PROCA1: variants seen among roughly 807,000 people sequenced by gnomAD.
PROCA1 encodes protein interacting with cyclin A1.
In PROCA1, 22 loss-of-function variants were observed where a neutral mutation model predicts 23.2. That is an observed-to-expected ratio of 0.95 (90% CI 0.68 to 1.35). The LOEUF (loss-of-function observed/expected upper bound fraction) is 1.35, where lower values mean the gene tolerates loss of function less well. PROCA1 is among the 40% of genes most tolerant of loss of function. The pLI is 0.00. For missense variants in PROCA1, 469 were observed against 459.8 expected, an observed-to-expected ratio of 1.02 and a Z score of -0.18; for synonymous variants, 182 against 179.2, an observed-to-expected ratio of 1.02 and a Z score of -0.12.
chr17:28,705,079 C>T, intron 2 of PROCA1: 1 of 463,066 alleles, frequency 2.2e-6, no homozygotes, highest in Non-Finnish European at 3.9e-6. Flanking sequence ...TCCTGTGATT[C>T]CCTGTTACTT....
chr17:28,711,805 G>T lies in PROCA1; in HGVS notation c.-145C>A. ...GCCCCTAACCCCGCCTCATGCTGGCGCAGCCCCCGCCGGCCTCCCCAGCCC... is the reference window on the plus strand; with the variant it reads ...GCCCCTAACCCCGCCTCATGCTGGCTCAGCCCCCGCCGGCCTCCCCAGCCC... On this transcript the variant is annotated 5_prime_UTR_variant, in exon 1 of 5. Transcript: ENST00000682792. 1 of 637,550 alleles carries T rather than the reference G, an allele frequency of 1.6e-6. No individual in the cohort carries two copies. The highest frequency in any genetic ancestry group is 2.5e-6 in the Non-Finnish European group (1 of 399,250). 39.5% of individuals were successfully genotyped at this position (637,550 alleles called of 1,614,324 possible).
intron 1 of PROCA1, among the ~76,000 whole-genome samples, chr17:28,708,935 G>A (rs9900500): frequency 0.1 from 15,469 of 152,060 alleles, 830 homozygotes; most frequent in South Asian, 0.15. Flanking sequence ...GATCGAGGCC[G>A]CAGTGAGCCG....
chr17:28,710,169 ACTC>A (rs1275784825), intron 1 of PROCA1, among the ~76,000 whole-genome samples: 2 of 150,536 alleles, frequency 1.3e-5, no homozygotes, highest in Admixed American at 6.6e-5. Context: ...AGGAACCAAA[ACTC>A]CTCTGCCTTG....
At chr17:28,708,036 G>A (rs975490783) in intron 1 of PROCA1, among the ~76,000 whole-genome samples, 1 of 152,146 alleles carries the variant, frequency 6.6e-6, no homozygotes, top group Non-Finnish European at 1.5e-5. Flanking sequence ...TTGAGATTGA[G>A]TCTCGCTCTG....
At chr17:28,705,128 T>C (rs1031965745) in intron 2 of PROCA1, 1 of 331,430 alleles carries the variant, frequency 3.0e-6, no homozygotes, top group Non-Finnish European at 5.6e-6. Context: ...CACCAGCTCC[T>C]GCCTGCCCCT....
chr17:28,711,714 T>C lies in PROCA1; in HGVS notation c.-54A>G. The C allele has an allele frequency of 6.5e-7, 1 of 1,527,540 alleles. No homozygotes were observed. Among genetic ancestry groups the C allele is most frequent in the Non-Finnish European group, 8.9e-7 (1 of 1,118,634 alleles). 94.6% of individuals were successfully genotyped at this position (1,527,540 alleles called of 1,614,324 possible). A position where few individuals can be genotyped will look rare whatever the true frequency, so the allele number is the denominator to read the frequency against. On this transcript the variant is annotated 5_prime_UTR_variant, in exon 1 of 5. Coordinates refer to ENST00000682792, the MANE Select transcript of PROCA1 (RefSeq NM_001366301.1). Reference sequence around the variant, plus strand: ...AGGACTCTTGCGTGAAGTCCAACCCTGAGCCTCAGCCCGGCCGAGCCCTCG... The same window carrying C: ...AGGACTCTTGCGTGAAGTCCAACCCCGAGCCTCAGCCCGGCCGAGCCCTCG...
chr17:28,711,423 TAGCTCCGCCC>T, intron 1 of PROCA1, 137 bp downstream of exon 1: 1 of 611,940 alleles, frequency 1.6e-6, no homozygotes, highest in South Asian at 2.6e-5. Context: ...GCCCCGGCCC[TAGCTCCGCCC>T]CGGCCCAGCA....
Position 28,704,336 on chromosome 17 carries a change from C to T in PROCA1, c.411G>A (p.Glu137=), listed in dbSNP as rs1567713196. ...CATACCGGAATCGCTCCACATGCTC[C>T]TCCTCCGGTGTGAGCTCAAAGCAAG... The part of the protein sequence containing the change: ...ESPCFELTPE[E]EHVERFRYGW... Residue 137 remains glutamate (E), a synonymous_variant, in exon 4 of 5, where the codon GAG becomes GAA. Transcript: ENST00000682792. The T allele has an allele frequency of 6.2e-7, 1 of 1,614,050 alleles. No homozygotes were observed. The highest frequency in any genetic ancestry group is 1.7e-5 in the Admixed American group (1 of 59,990).
chr17:28,711,404 C>G, intron 1 of PROCA1, 166 bp downstream of exon 1: 1 of 504,044 alleles, frequency 2.0e-6, no homozygotes, highest in South Asian at 3.2e-5. Context: ...CGCCCCCGGC[C>G]CTAGCTCCGC....
chr17:28,703,998 G>A lies in PROCA1; in HGVS notation c.655C>T (p.Arg219Cys), dbSNP rs182342785. 3.9e-5 allele frequency: 63 copies of A among 1,610,544 alleles called. No individual in the cohort carries two copies. Among genetic ancestry groups the A allele is most frequent in the Admixed American group, 1.2e-4 (7 of 59,420 alleles). ...CCCTTCCCTGTGGGGCTCTCAGAGC[G>A]CCAGATGGTGATGGGCGCTGTGGAG... ...PDSTAPITIW[R>C]SESPTGKGQG... is the part of the protein sequence containing the mutation. The change falls in exon 5 of 5, where the codon CGC (arginine) becomes TGC (cysteine). Residue 219 changes from arginine (R) to cysteine (C), a missense_variant. Transcript: ENST00000682792.
rs1225876264 is a variant in PROCA1, at chr17:28,703,551, C to T, written c.*7G>A. The stretch of plus-strand genomic sequence containing the variant: ...GGCATTTATTCTGCACCCTGACCAC[C>T]CTGGCCTCAACTGAGGTTGGGGTTT... On this transcript the variant is annotated 3_prime_UTR_variant, in exon 5 of 5. Coordinates refer to ENST00000682792, the MANE Select transcript of PROCA1 (RefSeq NM_001366301.1). The T allele has an allele frequency of 1.9e-6, 3 of 1,611,114 alleles. No homozygotes were observed. Among genetic ancestry groups the T allele is most frequent in the African/African-American group, 2.7e-5 (2 of 74,838 alleles).
intron 1 of PROCA1, 62 bp from the exon 2 acceptor site, chr17:28,706,825 A>G: frequency 2.3e-6 from 3 of 1,294,592 alleles, no homozygotes; most frequent in Non-Finnish European, 3.0e-6. Context: ...TTATTCACCA[A>G]ACATACCCCG....
chr17:28,710,653 G>A (rs2032737022), intron 1 of PROCA1, among the ~76,000 whole-genome samples: 1 of 152,086 alleles, frequency 6.6e-6, no homozygotes, highest in Non-Finnish European at 1.5e-5. Flanking sequence ...GACGAATTTA[G>A]TAACTCTCTT....
chr17:28,711,011 A>AGGGAAGGAGTAGGGCGGGAAGGGC (rs2032754474), intron 1 of PROCA1: 10 of 573,880 alleles, frequency 1.7e-5, no homozygotes, highest in South Asian at 3.8e-5. Flanking sequence ...GCGGGAAGGG[A>AGGGAAGGAGTAGGGCGGGAAGGGC]GGGAAGAAAC....
At position 28,704,107 on chromosome 17, in the gene PROCA1, TTCCTCC is replaced by T. The variant is rs773517688; in HGVS notation, c.540_545del (p.Glu181_Glu182del). 1.0e-5 allele frequency: 16 copies of T among 1,580,492 alleles called. No homozygotes were observed. Among genetic ancestry groups the T allele is most frequent in the Non-Finnish European group, 1.4e-5 (16 of 1,168,280 alleles). The stretch of plus-strand genomic sequence containing the variant: ...CCTGTGTCGGGATGGGGGGCTTGCT[TTCCTCC>T]TCCTCCTCTTCCTCTTCTTCATTTA... On this transcript the variant is annotated inframe_deletion, in exon 5 of 5. Coordinates refer to ENST00000682792, the MANE Select transcript of PROCA1 (RefSeq NM_001366301.1).
At chr17:28,707,142 A>G (rs1052924683) in intron 1 of PROCA1, 2 of 247,754 alleles carry the variant, frequency 8.1e-6, no homozygotes, top group African/African-American at 2.2e-5. Context: ...GGTCTAGGCA[A>G]GGAGGGACAG....
intron 3 of PROCA1, 76 bp from the exon 4 acceptor site, chr17:28,704,511 G>T: frequency 6.4e-7 from 1 of 1,563,036 alleles, no homozygotes. Flanking sequence ...GAGGGACAGT[G>T]GGCTTCCGCT....
intron 1 of PROCA1, among the ~76,000 whole-genome samples, chr17:28,707,619 T>A (rs1425908107): frequency 6.6e-6 from 1 of 152,132 alleles, no homozygotes; most frequent in Non-Finnish European, 1.5e-5. Flanking sequence ...GCCCAAAGCA[T>A]CTATATTTTA....
At chr17:28,707,505 A>G (rs1279234477) in intron 1 of PROCA1, 1 of 152,224 alleles carries the variant, frequency 6.6e-6, no homozygotes, top group African/African-American at 2.4e-5. Context: ...AAACTCCTGC[A>G]ACCACTGTTT....
Sources: allele counts gnomAD v4.1 joint callset (sites outside exome capture counted in the v4.1 genomes callset), GRCh38; gene constraint gnomAD v4.1.1; transcripts MANE v1.5; gene names NCBI Gene and HGNC (gene_info 2026-07-23, HGNC 2026-07-21).